The following SLC4A4 variants were observed in gnomAD, a reference collection of about 807,000 sequenced individuals.
SLC4A4 encodes solute carrier family 4 member 4.
SLC4A4 carries 27 observed loss-of-function variants against 111.5 expected under a neutral mutation model. That is an observed-to-expected ratio of 0.24 (90% CI 0.18 to 0.33). SLC4A4 has a LOEUF of 0.33. Among genes scored for constraint, SLC4A4 ranks in the 10% least tolerant of loss-of-function variants. SLC4A4 has a pLI of 1.00. For synonymous variants in SLC4A4, 443 were observed against 463.4 expected (o/e 0.96, Z 0.57); for missense variants, 909 against 1,315.5 (o/e 0.69, Z 4.78).
At chr4:71,124,306 G>C (rs1238238378) in intron 2 of SLC4A4, among the ~76,000 whole-genome samples, 1 of 151,904 alleles carries the variant, frequency 6.6e-6, no homozygotes, top group Non-Finnish European at 1.5e-5. Flanking sequence ...TGAACAGCTG[G>C]GACTACAGGT....
rs111892121 is a variant in SLC4A4, at chr4:71,084,882, T to G, written c.-64-7848T>G. On this transcript the variant is annotated intron_variant, in intron 1 of 26. Transcript: ENST00000649996. ...ATAAACATACCTGTGCATGTGTCTCTCTAGCAGCATGATTTATAATCCTTT... is the reference window on the plus strand; with the variant it reads ...ATAAACATACCTGTGCATGTGTCTCGCTAGCAGCATGATTTATAATCCTTT... 4.5e-4 allele frequency among the ~76,000 whole-genome samples: 69 copies of G among 152,230 alleles called. 3 individuals carry two copies. The highest frequency in any genetic ancestry group is 1.6e-3 in the African/African-American group (68 of 41,452).
At chr4:71,565,910 C>A (rs1263432047) in intron 24 of SLC4A4, among the ~76,000 whole-genome samples, 1 of 151,752 alleles carries the variant, frequency 6.6e-6, no homozygotes, top group Non-Finnish European at 1.5e-5. Context: ...TCCCTCAGAG[C>A]CAGTGATAAA....
At chr4:71,527,212 G>A (rs147635674) in intron 16 of SLC4A4, among the ~76,000 whole-genome samples, 5 of 152,168 alleles carry the variant, frequency 3.3e-5, no homozygotes, top group South Asian at 2.1e-4. Flanking sequence ...CTGAAGGGGC[G>A]CAAGTGCAGA....
intron 16 of SLC4A4, among the ~76,000 whole-genome samples, chr4:71,503,022 C>T (rs1731086041): frequency 6.6e-6 from 1 of 152,062 alleles, no homozygotes; most frequent in African/African-American, 2.4e-5. Context: ...TGATTAGGTG[C>T]ATATAGATTT....
At chr4:71,297,585 CTTTTTTTT>C (rs112132682) in intron 3 of SLC4A4, among the ~76,000 whole-genome samples, 16 of 115,048 alleles carry the variant, frequency 1.4e-4, no homozygotes, top group African/African-American at 5.2e-4. Flanking sequence ...ATTGGTGAAT[CTTTTTTTT>C]TTTTTTTTTT....
chr4:71,562,036 A>G (rs1737022451), intron 23 of SLC4A4, among the ~76,000 whole-genome samples: 1 of 151,818 alleles, frequency 6.6e-6, no homozygotes, highest in African/African-American at 2.4e-5. Context: ...AAGTTGGATC[A>G]AAAGAACTCC....
At chr4:71,385,171 T>TTATA (rs199563560) in intron 6 of SLC4A4, among the ~76,000 whole-genome samples, 1,862 of 39,944 alleles carry the variant, frequency 0.047, 414 homozygotes, top group East Asian at 0.12. Context: ...TAGGTTAGAT[T>TTATA]TATATATATA....
chr4:71,261,871 C>A (rs1412551176), intron 3 of SLC4A4, among the ~76,000 whole-genome samples: 1 of 152,064 alleles, frequency 6.6e-6, no homozygotes. Flanking sequence ...GTTCAGGAGA[C>A]CTCAAAGGGT....
At chr4:71,547,502 T>C in intron 19 of SLC4A4, 146 bp from the exon 20 acceptor site, 1 of 718,988 alleles carries the variant, frequency 1.4e-6, no homozygotes. Flanking sequence ...ACGCTATCCT[T>C]GAGGTATTAT....
chr4:71,173,885 T>G (rs1340146101), intron 2 of SLC4A4, among the ~76,000 whole-genome samples: 1 of 152,146 alleles, frequency 6.6e-6, no homozygotes, highest in African/African-American at 2.4e-5. Context: ...AGAAAGAAAG[T>G]GATACCACTA....
At chr4:71,526,594 T>A (rs1442406781) in intron 16 of SLC4A4, among the ~76,000 whole-genome samples, 3 of 152,100 alleles carry the variant, frequency 2.0e-5, no homozygotes, top group Non-Finnish European at 1.5e-5. Context: ...CATTAACATA[T>A]CTCTGTTTGT....
At chr4:71,422,093 G>C (rs1238884421) in intron 7 of SLC4A4, among the ~76,000 whole-genome samples, 4 of 146,580 alleles carry the variant, frequency 2.7e-5, no homozygotes, top group African/African-American at 2.5e-5. Context: ...CCGCTAGCAA[G>C]ACTAATAAAG....
At chr4:71,268,863 G>A (rs185436964) in intron 3 of SLC4A4, among the ~76,000 whole-genome samples, 42 of 152,312 alleles carry the variant, frequency 2.8e-4, no homozygotes, top group East Asian at 9.6e-4. Context: ...ACTAAGCCGC[G>A]TTAACTATAT....
intron 2 of SLC4A4, among the ~76,000 whole-genome samples, chr4:71,181,951 G>A (rs1745307216): frequency 6.6e-6 from 1 of 152,162 alleles, no homozygotes; most frequent in South Asian, 2.1e-4. Context: ...ATTACAGAAG[G>A]ATAACAGGTG....
At chr4:71,343,331 G>T (rs1054662978) in intron 4 of SLC4A4, among the ~76,000 whole-genome samples, 4 of 152,110 alleles carry the variant, frequency 2.6e-5, no homozygotes, top group Non-Finnish European at 4.4e-5. Flanking sequence ...AGCTTAGAAG[G>T]GGACCTATGT....
At chr4:71,535,477 A>C (rs1402072010) in intron 18 of SLC4A4, among the ~76,000 whole-genome samples, 1 of 152,136 alleles carries the variant, frequency 6.6e-6, no homozygotes, top group Non-Finnish European at 1.5e-5. Flanking sequence ...CAAAGAAGAG[A>C]TGTTTAGATT....
At chr4:71,176,678 G>C (rs969899346) in intron 2 of SLC4A4, among the ~76,000 whole-genome samples, 4 of 152,226 alleles carry the variant, frequency 2.6e-5, no homozygotes, top group Admixed American at 2.6e-4. Context: ...ATGGGACTAT[G>C]TGAAAAGACC....
intron 6 of SLC4A4, among the ~76,000 whole-genome samples, chr4:71,362,042 T>G (rs1251155449): frequency 6.6e-6 from 1 of 152,176 alleles, no homozygotes. Flanking sequence ...GACCTGACTT[T>G]AAGGACCAAA....
At chr4:71,419,385 A>T (rs903273283) in intron 7 of SLC4A4, among the ~76,000 whole-genome samples, 2 of 152,206 alleles carry the variant, frequency 1.3e-5, no homozygotes, top group Non-Finnish European at 2.9e-5. Context: ...TTACCTAAGC[A>T]AGCCTGGACA....
Sources: allele counts gnomAD v4.1 joint callset (sites outside exome capture counted in the v4.1 genomes callset), GRCh38; gene constraint gnomAD v4.1.1; transcripts MANE v1.5; gene names NCBI Gene and HGNC (gene_info 2026-07-23, HGNC 2026-07-21).